The following RBBP8 variants were observed in gnomAD, a reference collection of about 807,000 sequenced individuals.
RBBP8 encodes the protein RB binding protein 8, endonuclease, also known as DNA endonuclease RBBP8.
Under a neutral mutation model 108.3 loss-of-function variants are expected in RBBP8, and 88 were observed. The ratio of observed to expected loss-of-function variants is 0.81; its 90% CI spans 0.68 to 0.97. RBBP8 has a LOEUF of 0.97. Among genes scored for constraint, RBBP8 ranks in the 50% least tolerant of loss-of-function variants. The pLI is 0.00. For synonymous variants in RBBP8, 332 were observed against 348.2 expected (o/e 0.95, Z 0.52); for missense variants, 1,023 against 1,049.0 (o/e 0.98, Z 0.34).
intron 14 of RBBP8, among the ~76,000 whole-genome samples, chr18:23,001,249 A>G (rs1274724584): frequency 6.6e-6 from 1 of 152,332 alleles, no homozygotes; most frequent in Non-Finnish European, 1.5e-5. Context: ...TATTACATCT[A>G]TTCACTGAAA....
At chr18:22,960,192 C>A (rs570267427) in intron 4 of RBBP8, among the ~76,000 whole-genome samples, 1 of 151,976 alleles carries the variant, frequency 6.6e-6, no homozygotes, top group African/African-American at 2.4e-5. Flanking sequence ...CACACCTGGC[C>A]GAACTTTACT....
chr18:23,007,700 A>G (rs2046079898), intron 16 of RBBP8, among the ~76,000 whole-genome samples: 1 of 39,358 alleles, frequency 2.5e-5, no homozygotes, highest in African/African-American at 4.4e-5. Flanking sequence ...TCCGTCTCAG[A>G]AAAAAAAAAA....
rs138804378 is a variant in RBBP8 at position 22,985,996 on chromosome 18, C to A, written c.709+1006C>A. On this transcript the variant is annotated intron_variant, in intron 8 of 18. Coordinates refer to ENST00000327155, the MANE Select transcript of RBBP8 (RefSeq NM_002894.3). ...AGCATTTTTAGACATTTCCCCCCTC[C>A]CCCCAGTCCCTTCCCTGCTGGAATT... is the stretch of plus-strand genomic sequence containing the variant. 6.2e-3 allele frequency among the ~76,000 whole-genome samples: 945 copies of A among 151,746 alleles called. 8 individuals carry two copies. The highest frequency in any genetic ancestry group is 0.022 in the African/African-American group (906 of 41,288).
rs761188400 is a variant in RBBP8 at position 22,982,274 on chromosome 18, A to C, written c.485A>C (p.Asp162Ala). Residue 162 changes from aspartate (D) to alanine (A), a missense_variant, in exon 7 of 19, where the codon GAT becomes GCT. Transcript: ENST00000327155. ...GAATGTGAGGAAGACGTTATTCCAG[A>C]TTCACCGATAACAGCCTTCTCATTT... ...ELECEEDVIP[D>A]SPITAFSFSG... 3 of 1,614,174 alleles carry C rather than the reference A, an allele frequency of 1.9e-6. No individual in the cohort carries two copies. In the Admixed American group the frequency reaches 5.0e-5, roughly 27 times the overall value.
intron 4 of RBBP8, among the ~76,000 whole-genome samples, chr18:22,959,901 T>G (rs113587353): frequency 1.0e-3 from 130 of 125,888 alleles, no homozygotes; most frequent in Middle Eastern, 5.4e-3. Context: ...TGGTGGTGGT[T>G]GTTGTTTTGA....
At chr18:22,967,855 G>T (rs576220652) in intron 4 of RBBP8, among the ~76,000 whole-genome samples, 132 of 151,948 alleles carry the variant, frequency 8.7e-4, no homozygotes, top group African/African-American at 3.0e-3. Context: ...CACTGTGATA[G>T]CCAGGGTTGT....
At chr18:22,990,725 C>A (rs1334643712) in intron 9 of RBBP8, among the ~76,000 whole-genome samples, 1 of 152,156 alleles carries the variant, frequency 6.6e-6, no homozygotes, top group Non-Finnish European at 1.5e-5. Context: ...CCACTTGCAT[C>A]CTCTGGCAAC....
At chr18:23,002,542 A>G (rs2045966156) in intron 15 of RBBP8, among the ~76,000 whole-genome samples, 1 of 152,264 alleles carries the variant, frequency 6.6e-6, no homozygotes, top group African/African-American at 2.4e-5. Flanking sequence ...CATTAGAAGC[A>G]GTAACTTTAT....
At chr18:22,967,643 G>A (rs1000804812) in intron 4 of RBBP8, among the ~76,000 whole-genome samples, 17 of 146,758 alleles carry the variant, frequency 1.2e-4, no homozygotes, top group Non-Finnish European at 1.6e-4. Flanking sequence ...AAGCTATTTC[G>A]TATTTTTTTT....
chr18:22,979,079 C>T (rs558986586), intron 6 of RBBP8, among the ~76,000 whole-genome samples: 10 of 152,080 alleles, frequency 6.6e-5, no homozygotes, highest in South Asian at 4.1e-4. Context: ...ACAGCCTGGG[C>T]AACATGGTAA....
At chr18:23,004,666 G>A (rs1055121714) in intron 15 of RBBP8, 1 of 152,052 alleles carries the variant, frequency 6.6e-6, no homozygotes, top group African/African-American at 2.4e-5. Context: ...GGAGTTCTGA[G>A]GTATGATCCA....
At chr18:22,967,884 T>C (rs1314605082) in intron 4 of RBBP8, among the ~76,000 whole-genome samples, 2 of 152,102 alleles carry the variant, frequency 1.3e-5, no homozygotes, top group East Asian at 1.9e-4. Flanking sequence ...CCTGACCTTG[T>C]GTTCCGCCCG....
At chr18:22,951,393 C>T (rs924838947) in intron 4 of RBBP8, among the ~76,000 whole-genome samples, 3 of 152,080 alleles carry the variant, frequency 2.0e-5, no homozygotes, top group African/African-American at 7.2e-5. Context: ...ACAAATGAGA[C>T]AATTTCAGAT....
chr18:22,921,541 GTGTCCGATACATCA>G, intron 3 of RBBP8, among the ~76,000 whole-genome samples: 1 of 152,304 alleles, frequency 6.6e-6, no homozygotes, highest in South Asian at 2.1e-4. Context: ...GGCCCAAGAC[GTGTCCGATACATCA>G]TGTTATAGGA....
chr18:23,003,455 A>T (rs1011315701), intron 15 of RBBP8, among the ~76,000 whole-genome samples: 2 of 152,154 alleles, frequency 1.3e-5, no homozygotes, highest in African/African-American at 4.8e-5. Context: ...CTTAATGTTT[A>T]ACTCTCTGCT....
intron 2 of RBBP8, among the ~76,000 whole-genome samples, chr18:22,916,221 T>C (rs1420148007): frequency 1.3e-5 from 2 of 151,860 alleles, no homozygotes; most frequent in Non-Finnish European, 2.9e-5. Context: ...CGCATAACTC[T>C]TTCTGTCAAC....
intron 16 of RBBP8, among the ~76,000 whole-genome samples, chr18:23,011,439 AT>A (rs11438456): frequency 3.6e-5 from 5 of 139,148 alleles, no homozygotes; most frequent in Admixed American, 7.3e-5. Flanking sequence ...CTTTGATGCT[AT>A]TTTTTTTTTT....
chr18:22,983,415 CAAAAGAACTGTTA>C (rs1915087925), intron 7 of RBBP8, among the ~76,000 whole-genome samples: 1 of 151,976 alleles, frequency 6.6e-6, no homozygotes, highest in Admixed American at 6.6e-5. Flanking sequence ...TAGTGGAAAA[CAAAAGAACTGTTA>C]AAAATCCTAC....
chr18:22,919,611 G>T (rs1030910030), intron 3 of RBBP8, among the ~76,000 whole-genome samples: 2 of 152,090 alleles, frequency 1.3e-5, no homozygotes, highest in African/African-American at 4.8e-5. Context: ...GGCTGAAGTG[G>T]CATGATCTTG....
Sources: allele counts gnomAD v4.1 joint callset (sites outside exome capture counted in the v4.1 genomes callset), GRCh38; gene constraint gnomAD v4.1.1; transcripts MANE v1.5; gene names NCBI Gene and HGNC (gene_info 2026-07-23, HGNC 2026-07-21).